Variants in UGT1A4 observed in about 807,000 individuals in gnomAD.
UGT1A4 encodes the protein UDP-glucuronosyltransferase 1A4.
A neutral mutation model predicts 41.1 loss-of-function variants in UGT1A4; 32 were observed. The ratio of observed to expected loss-of-function variants is 0.78; its 90% confidence interval spans 0.59 to 1.05. The LOEUF is 1.05. Ranked by LOEUF, UGT1A4 falls within the 50% of genes least tolerant of loss-of-function variation. UGT1A4 has a pLI of 0.00. For missense variants in UGT1A4, 748 were observed against 677.4 expected (o/e 1.10, Z -1.16); for synonymous variants, 283 against 265.1 (o/e 1.07, Z -0.66).
intron 1 of UGT1A4, chr2:233,744,014 C>A: frequency 9.4e-7 from 1 of 1,062,354 alleles, no homozygotes; most frequent in African/African-American, 1.7e-5. Flanking sequence ...CCTGGGCCGC[C>A]TGGAGAGACG....
intron 1 of UGT1A4, chr2:233,743,656 G>T (rs528527073): frequency 7.3e-7 from 1 of 1,367,266 alleles, no homozygotes; most frequent in Admixed American, 1.9e-5. Flanking sequence ...AGACGTACTC[G>T]AAGGGGTCCT....
chr2:233,727,414 G>A (rs1241262548), intron 1 of UGT1A4, among the ~76,000 whole-genome samples: 1 of 152,064 alleles, frequency 6.6e-6, no homozygotes, highest in East Asian at 1.9e-4. Context: ...GCCTCCTCAG[G>A]GTCTGGGAGT....
At position 233,767,956 on chromosome 2, in the gene UGT1A4, T is replaced by C; in HGVS notation, c.1087+20T>C. The stretch of plus-strand genomic sequence containing the variant: ...TGCTTGGTATGTTGGGCGGATTGGA[T>C]GTATAGGTCAAACCAGGGTCAAATT... On this transcript the variant is annotated intron_variant, in intron 3 of 4. Coordinates refer to ENST00000373409, the MANE Select transcript of UGT1A4 (RefSeq NM_007120.3). 1.9e-6 allele frequency: 3 copies of C among 1,614,192 alleles called. No homozygotes were observed. Among genetic ancestry groups the C allele is most frequent in the Non-Finnish European group, 2.5e-6 (3 of 1,180,026 alleles).
intron 1 of UGT1A4, chr2:233,747,332 A>C (rs1559392073): frequency 9.4e-6 from 15 of 1,603,410 alleles, no homozygotes; most frequent in Non-Finnish European, 1.3e-5. Context: ...GATGGCAGCC[A>C]CTGGCTCGCA....
Position 233,769,206 on chromosome 2 carries a change from G to A in UGT1A4, c.1307+767G>A, listed in dbSNP as rs1699814631. 6.6e-6 allele frequency among the ~76,000 whole-genome samples: 1 copy of A among 152,206 alleles called. No homozygotes were observed. Among genetic ancestry groups the A allele is most frequent in the South Asian group, 2.1e-4 (1 of 4,832 alleles). On this transcript the variant is annotated intron_variant, in intron 4 of 4. Coordinates refer to ENST00000373409, the MANE Select transcript of UGT1A4 (RefSeq NM_007120.3). This position sits in a 1 kb window ranked among gnomAD's most constrained non-coding sequence, Gnocchi z 4.4. The stretch of plus-strand genomic sequence containing the variant: ...AATGAAGGAGCTATAAGATATCACA[G>A]ACAAAGTCTTAGAATAAGAGCAAAG...
chr2:233,730,323 CA>C lies in UGT1A4; in HGVS notation c.867+10637del, dbSNP rs2078014801. Among the ~76,000 whole-genome samples the C allele has an allele frequency of 2.0e-5, 3 of 152,152 alleles. No homozygotes were observed. The South Asian group carries it at 6.2e-4, about 32-fold the overall frequency. ...TCCTTCAGCTTGGCAGGAACAGGGA[CA>C]CTACGTTTGGAACTGATCCATCCTG... On this transcript the variant is annotated intron_variant, in intron 1 of 4. Transcript: ENST00000373409.
chr2:233,760,050 C>T (rs995974685), intron 1 of UGT1A4, among the ~76,000 whole-genome samples: 2 of 152,142 alleles, frequency 1.3e-5, no homozygotes, highest in Admixed American at 6.5e-5. Context: ...TGTGTTCACT[C>T]AAGAATGTGA....
At chr2:233,743,641 G>A (rs750445210) in intron 1 of UGT1A4, 2 of 1,367,204 alleles carry the variant, frequency 1.5e-6, no homozygotes, top group East Asian at 4.5e-5. Context: ...GGTCGCGGAA[G>A]CTGAAGACGT....
rs1488835292 is a variant in UGT1A4, at chr2:233,719,540, G to A, written c.720G>A (p.Gln240=). 1.9e-6 allele frequency: 3 copies of A among 1,613,770 alleles called. No homozygotes were observed. Among genetic ancestry groups the A allele is most frequent in the Non-Finnish European group, 1.7e-6 (2 of 1,179,862 alleles). ...PYASLASELF[Q]REVSVVDLVS... Reference sequence around the variant, plus strand: ...CAAGTCTTGCCTCTGAGCTTTTTCAGAGAGAGGTGTCAGTGGTGGATCTTG... The same window carrying A: ...CAAGTCTTGCCTCTGAGCTTTTTCAAAGAGAGGTGTCAGTGGTGGATCTTG... Residue 240 remains glutamine (Q), a synonymous_variant, in exon 1 of 5, where the codon CAG becomes CAA. Coordinates refer to ENST00000373409, the MANE Select transcript of UGT1A4 (RefSeq NM_007120.3).
intron 1 of UGT1A4, among the ~76,000 whole-genome samples, chr2:233,728,411 T>C (rs945344211): frequency 6.6e-6 from 1 of 152,174 alleles, no homozygotes; most frequent in African/African-American, 2.4e-5. Context: ...GTGCTTTAGA[T>C]AGCAGCACCT....
At chr2:233,734,641 G>A (rs777455810) in intron 1 of UGT1A4, among the ~76,000 whole-genome samples, 2 of 152,096 alleles carry the variant, frequency 1.3e-5, no homozygotes, top group Non-Finnish European at 2.9e-5. Flanking sequence ...GCTTTCTCCT[G>A]TGGGGATTTA....
In UGT1A4 at chr2:233,769,471, G is replaced by T. The variant is rs969663450; in HGVS notation, c.1307+1032G>T. On this transcript the variant is annotated intron_variant, in intron 4 of 4. Coordinates refer to ENST00000373409, the MANE Select transcript of UGT1A4 (RefSeq NM_007120.3). The surrounding 1 kb of genome is among the most constrained non-coding windows in gnomAD (Gnocchi z 4.4). ...CACGTGTGCATTCATATGCGTGTGT[G>T]TGTGTGTGCGTGTGTTTATGAGAGT... The T allele has an allele frequency of 2.5e-6, 4 of 1,609,228 alleles. No homozygotes were observed. The African/African-American group carries it at 5.3e-5, about 21-fold the overall frequency.
chr2:233,760,773 G>A, intron 1 of UGT1A4: 1 of 1,613,944 alleles, frequency 6.2e-7, no homozygotes, highest in Non-Finnish European at 8.5e-7. Flanking sequence ...TCGTGGCCCA[G>A]TACCTGTCTC....
chr2:233,748,198 C>G, intron 1 of UGT1A4: 1 of 1,535,946 alleles, frequency 6.5e-7, no homozygotes, highest in Non-Finnish European at 8.8e-7. Flanking sequence ...TTCTGCTTGT[C>G]GTAATAGCCT....
chr2:233,720,538 C>T (rs377667530), intron 1 of UGT1A4, among the ~76,000 whole-genome samples: 1 of 152,064 alleles, frequency 6.6e-6, no homozygotes, highest in South Asian at 2.1e-4. Flanking sequence ...CTCACCCTAT[C>T]CCACTCCAAG....
intron 1 of UGT1A4, chr2:233,729,946 G>T (rs757885815): frequency 1.2e-6 from 2 of 1,614,002 alleles, no homozygotes; most frequent in Middle Eastern, 1.7e-4. Flanking sequence ...GCCCAACATG[G>T]TCTTCATTGG....
chr2:233,747,072 T>C (rs1174138764), intron 1 of UGT1A4: 1 of 1,024,362 alleles, frequency 9.8e-7, no homozygotes, highest in African/African-American at 1.6e-5. Context: ...TCGGTAATAA[T>C]TAACTAGGAG....
In UGT1A4 at chr2:233,743,578, G is replaced by T. The variant is rs1397276736; in HGVS notation, c.868-23456G>T. The T allele has an allele frequency of 3.7e-6, 5 of 1,367,200 alleles. No homozygotes were observed. The Admixed American group carries it at 9.5e-5, about 26-fold the overall frequency. The allele number at this position is 1,367,200 out of a possible 1,614,324, so 84.7% of individuals were successfully genotyped here. On this transcript the variant is annotated intron_variant, in intron 1 of 4. Transcript: ENST00000373409. ...TATTCTCCAGCGGGTTTCCCAAGAGGTCAAAGGAGAATGGGTCCTGGCCGC... is the reference window on the plus strand; with the variant it reads ...TATTCTCCAGCGGGTTTCCCAAGAGTTCAAAGGAGAATGGGTCCTGGCCGC...
intron 1 of UGT1A4, among the ~76,000 whole-genome samples, chr2:233,748,701 G>A (rs1009365045): frequency 6.6e-6 from 1 of 151,652 alleles, no homozygotes; most frequent in Non-Finnish European, 1.5e-5. Context: ...TTCTGGTCAG[G>A]ATTTGGGGTC....
Sources: allele counts gnomAD v4.1 joint callset (sites outside exome capture counted in the v4.1 genomes callset), GRCh38; gene constraint gnomAD v4.1.1; non-coding constraint Gnocchi (gnomAD v3.1); transcripts MANE v1.5; gene names NCBI Gene and HGNC (gene_info 2026-07-23, HGNC 2026-07-21).